C7orf57: variants seen among roughly 807,000 people sequenced by gnomAD.
C7orf57 encodes the protein uncharacterized protein C7orf57.
C7orf57 carries 33 observed loss-of-function variants against 39.0 expected under a neutral mutation model. That is an observed-to-expected ratio of 0.85 (90% CI 0.64 to 1.13). The LOEUF (loss-of-function observed/expected upper bound fraction) is 1.13. Ranked by LOEUF, C7orf57 falls within the 50% of genes most tolerant of loss-of-function variation. The pLI, the probability that C7orf57 is intolerant of heterozygous loss-of-function variation, is 0.00. For synonymous variants in C7orf57, 124 were observed against 137.1 expected (o/e 0.90, Z 0.67); for missense variants, 346 against 362.3 (o/e 0.95, Z 0.37).
Position 48,061,060 on chromosome 7 carries a change from G to T in C7orf57, c.*788G>T, listed in dbSNP as rs1478498197. 4 of 152,038 alleles carry T rather than the reference G, an allele frequency of 2.6e-5. No homozygotes were observed. The highest frequency in any genetic ancestry group is 7.2e-5 in the African/African-American group (3 of 41,426). The allele number at this position is 152,038 out of a possible 1,614,324, so 9.4% of individuals were successfully genotyped here. Reference sequence around the variant, plus strand: ...TTAATAAAATAATAATTTTATGTGAGAATGTTTTCAAAAAGCCAAATAAAG... The same window carrying T: ...TTAATAAAATAATAATTTTATGTGATAATGTTTTCAAAAAGCCAAATAAAG... On this transcript the variant is annotated 3_prime_UTR_variant, in exon 9 of 9. Transcript: ENST00000348904.
rs1331996900 is a variant in C7orf57 at position 48,061,138 on chromosome 7, C to T, written c.*866C>T. On this transcript the variant is annotated 3_prime_UTR_variant, in exon 9 of 9. Coordinates refer to ENST00000348904, the MANE Select transcript of C7orf57 (RefSeq NM_001100159.3). Reference sequence around the variant, plus strand: ...AATAAACTTATCATGCATTTGCTTACCTAAAATTTAAGTTTCAAATTAGTT... The same window carrying T: ...AATAAACTTATCATGCATTTGCTTATCTAAAATTTAAGTTTCAAATTAGTT... The T allele has an allele frequency of 6.6e-6, 1 of 152,018 alleles. No homozygotes were observed. The highest frequency in any genetic ancestry group is 1.5e-5 in the Non-Finnish European group (1 of 67,998). 9.4% of individuals were successfully genotyped at this position (152,018 alleles called of 1,614,324 possible). A position where few individuals can be genotyped will look rare whatever the true frequency, so the allele number is the denominator to read the frequency against.
chr7:48,044,809 T>C (rs1320209272), intron 4 of C7orf57, among the ~76,000 whole-genome samples: 1 of 152,236 alleles, frequency 6.6e-6, no homozygotes, highest in East Asian at 1.9e-4. Flanking sequence ...GAAATTTCTA[T>C]TTGTGGACAT....
intron 7 of C7orf57, among the ~76,000 whole-genome samples, chr7:48,053,583 C>T (rs1433138776): frequency 6.6e-6 from 1 of 152,122 alleles, no homozygotes; most frequent in Admixed American, 6.6e-5. Context: ...TCCCAAGTAG[C>T]TGGGACTATA....
rs17629333 is a variant in C7orf57 at position 48,053,047 on chromosome 7, C to G, written c.829+124C>G. On this transcript the variant is annotated intron_variant, in intron 7 of 8. Transcript: ENST00000348904. The stretch of plus-strand genomic sequence containing the variant: ...GAGTAACCCAAAAACCATGTGAAAA[C>G]GCCCACAGAAGTACTAAGGTTACAG... 12 of 792,298 alleles carry G rather than the reference C, an allele frequency of 1.5e-5. No individual in the cohort carries two copies. The African/African-American group carries it at 1.9e-4, about 12-fold the overall frequency. The allele number at this position is 792,298 out of a possible 1,614,324, so 49.1% of individuals were successfully genotyped here.
At chr7:48,051,461 C>T (rs1439435338) in intron 6 of C7orf57, among the ~76,000 whole-genome samples, 1 of 148,400 alleles carries the variant, frequency 6.7e-6, no homozygotes, top group Non-Finnish European at 1.5e-5. Flanking sequence ...TGCCATTCTC[C>T]TGCCTCAGCC....
At chr7:48,040,095 A>AT (rs1790503846) in intron 2 of C7orf57, among the ~76,000 whole-genome samples, 1 of 151,900 alleles carries the variant, frequency 6.6e-6, no homozygotes, top group African/African-American at 2.4e-5. Context: ...GGTCCCTGGG[A>AT]TTTTGCCAAC....
At chr7:48,054,946 C>T (rs930000238) in intron 8 of C7orf57, among the ~76,000 whole-genome samples, 15 of 152,006 alleles carry the variant, frequency 9.9e-5, no homozygotes, top group African/African-American at 2.9e-4. Context: ...GCGCGATCTC[C>T]GCTCACTGCA....
chr7:48,037,224 G>A (rs1321624205), intron 2 of C7orf57, among the ~76,000 whole-genome samples: 2 of 152,160 alleles, frequency 1.3e-5, no homozygotes, highest in African/African-American at 4.8e-5. Context: ...GTAGGCTCTG[G>A]AGCCTTTATG....
Position 48,046,617 on chromosome 7 carries a change from GT to G in C7orf57, c.507+2del, listed in dbSNP as rs1490806474. The G allele has an allele frequency of 6.2e-7, 1 of 1,611,112 alleles. No homozygotes were observed. Among genetic ancestry groups the G allele is most frequent in the African/African-American group, 1.3e-5 (1 of 74,832 alleles). Reference sequence around the variant, plus strand: ...GGAACTTGAAAAGGAGAAAAAAAAGGTGACGGGAGCCCATAAATAGACGGCA... The same window carrying G: ...GGAACTTGAAAAGGAGAAAAAAAAGGGACGGGAGCCCATAAATAGACGGCA... On this transcript the variant is annotated splice_donor_variant, in intron 5 of 8. Coordinates refer to ENST00000348904, the MANE Select transcript of C7orf57 (RefSeq NM_001100159.3). LOFTEE classifies it high-confidence loss of function.
chr7:48,038,249 G>T (rs2095153745), intron 2 of C7orf57, among the ~76,000 whole-genome samples: 2 of 152,096 alleles, frequency 1.3e-5, no homozygotes, highest in Admixed American at 1.3e-4. Flanking sequence ...TTTAAAGGAT[G>T]GTTACTTCTC....
chr7:48,043,395 T>C, intron 3 of C7orf57, 86 bp from the exon 4 acceptor site: 1 of 997,986 alleles, frequency 1.0e-6, no homozygotes, highest in Non-Finnish European at 1.5e-6. Flanking sequence ...CAGTTCGCCT[T>C]GTAAATTGAG....
intron 6 of C7orf57, among the ~76,000 whole-genome samples, chr7:48,051,865 T>TTCTC (rs1388802858): frequency 1.4e-5 from 1 of 72,330 alleles, no homozygotes; most frequent in Admixed American, 1.4e-4. Flanking sequence ...CTTTCTTTCT[T>TTCTC]TCTTTCTCTT....
intron 5 of C7orf57, among the ~76,000 whole-genome samples, chr7:48,049,448 T>G (rs971514748): frequency 6.6e-6 from 1 of 152,194 alleles, no homozygotes; most frequent in Non-Finnish European, 1.5e-5. Flanking sequence ...TTCATTTGTT[T>G]CTGTTGCTGA....
intron 8 of C7orf57, among the ~76,000 whole-genome samples, chr7:48,055,451 C>CT (rs1002054255): frequency 6.6e-5 from 10 of 152,026 alleles, no homozygotes; most frequent in Non-Finnish European, 1.5e-4. Flanking sequence ...AATACTTACC[C>CT]TTTTTTTGTG....
chr7:48,042,530 T>G (rs1464250075), intron 3 of C7orf57, among the ~76,000 whole-genome samples: 2 of 151,812 alleles, frequency 1.3e-5, no homozygotes, highest in African/African-American at 4.8e-5. Context: ...ATAAAAATAA[T>G]AATGAGAGAG....
In C7orf57 at chr7:48,041,535, C is replaced by A; in HGVS notation, c.241+16C>A. 6.4e-7 allele frequency: 1 copy of A among 1,573,220 alleles called. No homozygotes were observed. The highest frequency in any genetic ancestry group is 1.7e-4 in the Middle Eastern group (1 of 5,848). On this transcript the variant is annotated intron_variant, in intron 3 of 8. Transcript: ENST00000348904. ...GGCAGGCCCGGTGAGCCCCCTCCTG[C>A]CCTGTTCAGTGTGGCAGCCTCGCGG... is the stretch of plus-strand genomic sequence containing the variant.
chr7:48,059,665 A>T (rs1213852924), intron 8 of C7orf57, among the ~76,000 whole-genome samples: 1 of 152,160 alleles, frequency 6.6e-6, no homozygotes, highest in East Asian at 1.9e-4. Flanking sequence ...GCTTCTTCTT[A>T]ATGTTTCTTT....
chr7:48,044,505 C>T (rs899157915), intron 4 of C7orf57, among the ~76,000 whole-genome samples: 1 of 152,144 alleles, frequency 6.6e-6, no homozygotes, highest in African/African-American at 2.4e-5. Flanking sequence ...ACGCTCTTTA[C>T]TACCTGATTG....
chr7:48,046,694 T>A lies in C7orf57; in HGVS notation c.507+78T>A, dbSNP rs1483073145. 3.4e-6 allele frequency: 5 copies of A among 1,473,268 alleles called. No individual in the cohort carries two copies. In the Admixed American group the frequency reaches 8.7e-5, roughly 26 times the overall value. The allele number at this position is 1,473,268 out of a possible 1,614,324, so 91.3% of individuals were successfully genotyped here. On this transcript the variant is annotated intron_variant, in intron 5 of 8. Transcript: ENST00000348904. ...CTCGAGTAATTAAGTGCTGTGATGTTAGCTGCTGGTGGCGTCTTATGTTGC... is the reference window on the plus strand; with the variant it reads ...CTCGAGTAATTAAGTGCTGTGATGTAAGCTGCTGGTGGCGTCTTATGTTGC...
Sources: gnomAD v4.1 joint callset for allele counts (sites outside exome capture counted in the v4.1 genomes callset) on GRCh38, gnomAD v4.1.1 for gene constraint, MANE v1.5 for transcripts, NCBI Gene and HGNC (gene_info 2026-07-23, HGNC 2026-07-21) for gene names.